POF1B: variants seen among roughly 807,000 people sequenced by gnomAD.
POF1B encodes the protein POF1B actin binding protein, also known as protein POF1B.
In POF1B, 53 loss-of-function variants were observed where a neutral mutation model predicts 55.3. The observed-to-expected ratio is 0.96, with a 90% CI of 0.77 to 1.20. The LOEUF is 1.20. Ranked by LOEUF, POF1B falls within the 50% of genes most tolerant of loss-of-function variation. The pLI, the probability that POF1B is intolerant of heterozygous loss-of-function variation, is 0.00. For synonymous variants in POF1B, 188 were observed against 148.3 expected, an observed-to-expected ratio of 1.27 and a Z score of -1.95; for missense variants, 478 against 420.5, an observed-to-expected ratio of 1.14 and a Z score of -1.20.
chrX:85,296,848 T>C lies in POF1B; in HGVS notation c.1649+6558A>G, dbSNP rs747268967. On this transcript the variant is annotated intron_variant, in intron 15 of 16. Transcript: ENST00000262753. ...TCAAATATGTTTTCCAAGTTATTTC[T>C]TCTCTCTCCTGTCAGGAATATCAAT... 2.7e-5 allele frequency among the ~76,000 whole-genome samples: 3 copies of C among 112,292 alleles called. No individual in the cohort carries two copies. The South Asian group carries it at 1.1e-3, about 41-fold the overall frequency.
intron 4 of POF1B, among the ~76,000 whole-genome samples, chrX:85,357,043 AC>A (rs778068297): frequency 9.0e-6 from 1 of 111,369 alleles, no homozygotes; most frequent in East Asian, 2.9e-4. Flanking sequence ...TACGTTGCTT[AC>A]AAATATTTTC....
At chrX:85,293,259 T>G (rs745512117) in intron 15 of POF1B, among the ~76,000 whole-genome samples, 2 of 111,972 alleles carry the variant, frequency 1.8e-5, no homozygotes, top group African/African-American at 6.5e-5. Context: ...ATAGCAGACA[T>G]GGAATCAACC....
In POF1B at chrX:85,379,353, A is replaced by G; in HGVS notation, c.102T>C (p.His34=). ...GAGGCTGCTGGGCTTGGCTTGACTG[A>G]TGGTAGCAGTGGTAATGCTGGGGCT... is the stretch of plus-strand genomic sequence containing the variant. ...QCQPQHYHCY[H]QSSQAQQPPE... Residue 34 remains histidine, a synonymous_variant, in exon 2 of 17, where the codon CAT becomes CAC. Coordinates refer to ENST00000262753, the MANE Select transcript of POF1B (RefSeq NM_024921.4). 8.3e-7 allele frequency: 1 copy of G among 1,210,030 alleles called. No homozygotes were observed. The highest frequency in any genetic ancestry group is 1.1e-6 in the Non-Finnish European group (1 of 895,056).
intron 4 of POF1B, among the ~76,000 whole-genome samples, chrX:85,357,373 A>T (rs1933522189): frequency 9.0e-6 from 1 of 110,665 alleles, no homozygotes; most frequent in Admixed American, 9.7e-5. Context: ...GGTTCACAAG[A>T]TTCTCATTTC....
chrX:85,354,159 T>C, intron 4 of POF1B, among the ~76,000 whole-genome samples: 1 of 111,161 alleles, frequency 9.0e-6, no homozygotes, highest in East Asian at 2.8e-4. Flanking sequence ...TCAGGTAAGA[T>C]CATGTGTTTT....
At chrX:85,377,411 G>A (rs1391823403) in intron 2 of POF1B, among the ~76,000 whole-genome samples, 2 of 112,146 alleles carry the variant, frequency 1.8e-5, no homozygotes, top group Non-Finnish European at 3.8e-5. Flanking sequence ...AACTCAGTTT[G>A]AAAATTTATA....
intron 2 of POF1B, 127 bp from the exon 3 acceptor site, chrX:85,367,893 A>G: frequency 2.3e-6 from 1 of 431,771 alleles, no homozygotes; most frequent in Non-Finnish European, 3.9e-6. Context: ...GCTTTCTTAG[A>G]TAATATCCAT....
chrX:85,331,826 T>C (rs1932985566), intron 6 of POF1B, among the ~76,000 whole-genome samples: 1 of 111,496 alleles, frequency 9.0e-6, no homozygotes, highest in African/African-American at 3.3e-5. Context: ...AGCTCCCCCA[T>C]ATAAGTGAGA....
At chrX:85,298,293 C>A (rs956393227) in intron 15 of POF1B, among the ~76,000 whole-genome samples, 3 of 112,057 alleles carry the variant, frequency 2.7e-5, no homozygotes, top group Non-Finnish European at 3.8e-5. Flanking sequence ...CATGTAAAAC[C>A]CCCTGGGGTC....
intron 15 of POF1B, among the ~76,000 whole-genome samples, chrX:85,284,207 T>C (rs984765513): frequency 6.3e-5 from 7 of 111,356 alleles, no homozygotes; most frequent in Non-Finnish European, 1.1e-4. Flanking sequence ...GAAGAATCAA[T>C]ATCGTGAAAA....
chrX:85,335,921 G>A (rs1211435628), intron 6 of POF1B, among the ~76,000 whole-genome samples: 1 of 109,697 alleles, frequency 9.1e-6, no homozygotes, highest in Non-Finnish European at 1.9e-5. Flanking sequence ...TAGTTACACT[G>A]TTTTTCTATC....
At chrX:85,323,589 G>A (rs1932864214) in intron 7 of POF1B, among the ~76,000 whole-genome samples, 1 of 106,774 alleles carries the variant, frequency 9.4e-6, no homozygotes, top group Admixed American at 1.0e-4. Context: ...AAAACTTAAA[G>A]TATAATAATA....
At chrX:85,300,544 A>G (rs754097368) in intron 15 of POF1B, among the ~76,000 whole-genome samples, 7 of 112,549 alleles carry the variant, frequency 6.2e-5, no homozygotes, top group African/African-American at 2.3e-4. Flanking sequence ...AATAACATCA[A>G]CAGCAAATAA....
At position 85,379,425 on chromosome X, in the gene POF1B, G is replaced by T; in HGVS notation, c.30C>A (p.Ser10Arg). The change falls in exon 2 of 17, where the codon AGC becomes AGA. Residue 10 changes from serine (S) to arginine (R), a missense_variant. Ser to Arg is a moderately radical substitution (Grantham distance 110). Coordinates refer to ENST00000262753, the MANE Select transcript of POF1B (RefSeq NM_024921.4). ...GCTGCTGGGTTCCACAGCTGCTGCT[G>T]CTCGTCTCACTCCAATAGCTCGAGC... MSSSYWSETSSSSCGTQQLP... is the reference protein window; with the variant it reads MSSSYWSETRSSSCGTQQLP... 8.3e-7 allele frequency: 1 copy of T among 1,209,367 alleles called. No individual in the cohort carries two copies. The highest frequency in any genetic ancestry group is 1.8e-5 in the South Asian group (1 of 56,657).
At chrX:85,305,999 CATGATTAAATAAG>C (rs1222873235) in intron 12 of POF1B, 89 bp from the exon 13 acceptor site, 20 of 1,046,599 alleles carry the variant, frequency 1.9e-5, no homozygotes, top group Non-Finnish European at 5.2e-6. Flanking sequence ...ATGAAAACCA[CATGATTAAATAAG>C]ACATTGAAAT....
rs1428033740 is a variant in POF1B, at chrX:85,346,118, T to C, written c.541-76A>G. 207 of 744,439 alleles carry C rather than the reference T, an allele frequency of 2.8e-4. 1 individual carries two copies. The highest frequency in any genetic ancestry group is 1.1e-5 in the Non-Finnish European group (6 of 555,611). The allele number at this position is 744,439 out of a possible 1,213,427, so 61.4% of individuals were successfully genotyped here. A position where few individuals can be genotyped will look rare whatever the true frequency, so the allele number is the denominator to read the frequency against. ...ATCAAGAAAAACAACTGAAACCATT[T>C]TTTTAAACTTAATGTTTTCTTTCAC... On this transcript the variant is annotated intron_variant, in intron 5 of 16. Coordinates refer to ENST00000262753, the MANE Select transcript of POF1B (RefSeq NM_024921.4).
At chrX:85,293,981 A>G (rs1031888287) in intron 15 of POF1B, among the ~76,000 whole-genome samples, 2 of 96,345 alleles carry the variant, frequency 2.1e-5, no homozygotes, top group Non-Finnish European at 3.8e-5. Flanking sequence ...CAAAAAAAAA[A>G]AATAAATAAA....
intron 7 of POF1B, among the ~76,000 whole-genome samples, chrX:85,324,826 A>G (rs984134320): frequency 8.9e-6 from 1 of 111,825 alleles, no homozygotes; most frequent in African/African-American, 3.3e-5. Flanking sequence ...ATGGTGTTTA[A>G]TAAAGGTCTT....
At chrX:85,291,825 A>C (rs949863764) in intron 15 of POF1B, among the ~76,000 whole-genome samples, 24 of 111,109 alleles carry the variant, frequency 2.2e-4, no homozygotes, top group African/African-American at 7.8e-4. Flanking sequence ...TTTTGGACTG[A>C]GATTGTGGAG....
Sources: gnomAD v4.1 joint callset for allele counts (sites outside exome capture counted in the v4.1 genomes callset) on GRCh38, gnomAD v4.1.1 for gene constraint, MANE v1.5 for transcripts, NCBI Gene and HGNC (gene_info 2026-07-23, HGNC 2026-07-21) for gene names.